The following TNC variants were observed in gnomAD, a reference collection of about 807,000 sequenced individuals.
The protein encoded by TNC is tenascin.
TNC carries 109 observed loss-of-function variants against 202.4 expected under a neutral mutation model. That is an observed-to-expected ratio of 0.54 (90% CI 0.46 to 0.63). The LOEUF is 0.63. Among genes scored for constraint, TNC ranks in the 30% least tolerant of loss-of-function variants. The probability of loss-of-function intolerance (pLI) is 0.00; values close to 1 mark genes in which losing one functional copy is unlikely to be tolerated. For missense variants in TNC, 2,756 were observed against 2,833.3 expected, an observed-to-expected ratio of 0.97 and a Z score of 0.62; for synonymous variants, 1,007 against 1,089.7, an observed-to-expected ratio of 0.92 and a Z score of 1.50.
At chr9:115,088,464 A>G (rs796961088) in intron 2 of TNC, among the ~76,000 whole-genome samples, 7 of 152,284 alleles carry the variant, frequency 4.6e-5, no homozygotes, top group African/African-American at 1.4e-4. Context: ...GTGGAGGTCA[A>G]CTTAAAGAAT....
At chr9:115,033,664 T>C (rs1399108169) in intron 22 of TNC, among the ~76,000 whole-genome samples, 1 of 152,236 alleles carries the variant, frequency 6.6e-6, no homozygotes, top group Non-Finnish European at 1.5e-5. Flanking sequence ...ATTAGCAATG[T>C]GTCCAGTTCT....
chr9:115,077,965 T>C lies in TNC; in HGVS notation c.2652A>G (p.Pro884=), dbSNP rs1834005286. ...TACCTGTTGTGAAGGTCTCTTTGGC[T>C]GGGTTGCTTGACATGTCACCTCTGC... The part of the protein sequence containing the change: ...ISRRGDMSSN[P]AKETFTTGLD... Residue 884 remains proline (P), a synonymous_variant, in exon 7 of 28, where the codon CCA becomes CCG. Coordinates refer to ENST00000350763, the MANE Select transcript of TNC (RefSeq NM_002160.4). The C allele has an allele frequency of 3.1e-6, 5 of 1,614,194 alleles. No homozygotes were observed. The highest frequency in any genetic ancestry group is 4.2e-6 in the Non-Finnish European group (5 of 1,180,018).
intron 1 of TNC, among the ~76,000 whole-genome samples, chr9:115,103,652 G>A (rs1287097959): frequency 6.6e-6 from 1 of 152,046 alleles, no homozygotes; most frequent in Non-Finnish European, 1.5e-5. Context: ...AGATCCCTTT[G>A]GTTCCAGTGA....
At chr9:115,085,335 G>A (rs1478356851) in intron 3 of TNC, among the ~76,000 whole-genome samples, 2 of 152,142 alleles carry the variant, frequency 1.3e-5, no homozygotes, top group African/African-American at 2.4e-5. Flanking sequence ...TAGGCATTTC[G>A]TCTTTAGCCA....
Position 115,078,199 on chromosome 9 carries a change from G to T in TNC, c.2418C>A (p.Pro806=). The change falls in exon 7 of 28, where the codon CCC becomes CCA. Residue 806 remains proline, a synonymous_variant. Coordinates refer to ENST00000350763, the MANE Select transcript of TNC (RefSeq NM_002160.4). ...KRVTTTRLDA[P]SQIEVKDVTD... ...TGACATCTTTCACCTCGATCTGGCT[G>T]GGGGCATCCAAGCCTATGATGGGCA... The T allele has an allele frequency of 1.9e-6, 3 of 1,606,234 alleles. No homozygotes were observed. Among genetic ancestry groups the T allele is most frequent in the East Asian group, 4.5e-5 (2 of 44,654 alleles).
At chr9:115,036,389 G>A (rs1719619874) in intron 20 of TNC, 148 bp from the exon 21 acceptor site, 4 of 863,260 alleles carry the variant, frequency 4.6e-6, no homozygotes, top group Admixed American at 2.3e-5. Context: ...AATGACTCAC[G>A]CTCTCTTTCT....
chr9:115,075,946 C>T, intron 9 of TNC, 86 bp downstream of exon 9: 1 of 1,199,616 alleles, frequency 8.3e-7, no homozygotes, highest in Non-Finnish European at 1.2e-6. Flanking sequence ...TCTACTTTTT[C>T]TCTTTAAATA....
At chr9:115,060,329 T>C (rs976166670) in intron 13 of TNC, among the ~76,000 whole-genome samples, 1 of 152,156 alleles carries the variant, frequency 6.6e-6, no homozygotes. Flanking sequence ...GGGTAAGAGA[T>C]ACAGCAATGG....
chr9:115,082,559 C>A, intron 5 of TNC, 133 bp downstream of exon 5: 1 of 628,164 alleles, frequency 1.6e-6, no homozygotes. Context: ...GATGCAAACA[C>A]AAATGATGCT....
At chr9:115,101,243 G>A (rs1008194685) in intron 1 of TNC, among the ~76,000 whole-genome samples, 9 of 152,058 alleles carry the variant, frequency 5.9e-5, no homozygotes, top group South Asian at 2.1e-4. Flanking sequence ...ATGAAGTCTC[G>A]CTCTGTTGCC....
intron 1 of TNC, among the ~76,000 whole-genome samples, chr9:115,111,311 A>G (rs955273837): frequency 2.0e-5 from 3 of 150,170 alleles, no homozygotes; most frequent in African/African-American, 7.4e-5. Context: ...CAAACAGAAT[A>G]TGACTAAGGT....
chr9:115,063,835 C>T lies in TNC; in HGVS notation c.3721G>A (p.Asp1241Asn). ...YTITIRGVTQ[D>N]FSTTPLSVEV... Reference sequence around the variant, plus strand: ...ACAGAGAGAGGGGTTGTGCTGAAGTCCTGAGTGACCCCGCGGATGGTGATG... The same window carrying T: ...ACAGAGAGAGGGGTTGTGCTGAAGTTCTGAGTGACCCCGCGGATGGTGATG... The change falls in exon 12 of 28, where the codon GAC becomes AAC. Residue 1241 changes from aspartate (D) to asparagine (N), a missense_variant. Asp to Asn is a conservative substitution (Grantham distance 23, BLOSUM62 1). Coordinates refer to ENST00000350763, the MANE Select transcript of TNC (RefSeq NM_002160.4). The T allele has an allele frequency of 6.2e-7, 1 of 1,614,106 alleles. No homozygotes were observed. Among genetic ancestry groups the T allele is most frequent in the Non-Finnish European group, 8.5e-7 (1 of 1,179,982 alleles).
chr9:115,065,519 G>A (rs1476902131), intron 10 of TNC, among the ~76,000 whole-genome samples: 1 of 152,204 alleles, frequency 6.6e-6, no homozygotes, highest in Non-Finnish European at 1.5e-5. Context: ...TGTTAGCGAT[G>A]CTCTGAGCTT....
At chr9:115,084,170 C>A in intron 4 of TNC, 39 bp downstream of exon 4, 1 of 1,598,132 alleles carries the variant, frequency 6.3e-7, no homozygotes, top group Non-Finnish European at 8.5e-7. Context: ...GGTGGGCTGA[C>A]ATCAGGTGAG....
intron 15 of TNC, among the ~76,000 whole-genome samples, chr9:115,054,055 A>G (rs577629318): frequency 1.6e-4 from 25 of 152,302 alleles, no homozygotes; most frequent in African/African-American, 6.0e-4. Flanking sequence ...AACTAATTTT[A>G]AAGTAAGTGC....
intron 1 of TNC, among the ~76,000 whole-genome samples, chr9:115,110,715 A>C (rs191207024): frequency 6.6e-6 from 1 of 152,224 alleles, no homozygotes; most frequent in African/African-American, 2.4e-5. Context: ...CTTTAGAATA[A>C]AATACATTTG....
rs1564137932 is a variant in TNC at position 115,095,502 on chromosome 9, GTATATATATATGTATATATATGTA to G, written c.-136-4372_-136-4349del. On this transcript the variant is annotated intron_variant, in intron 1 of 27. Coordinates refer to ENST00000350763, the MANE Select transcript of TNC (RefSeq NM_002160.4). ...TATGTATATATATATGTATATATATGTATATATATATGTATATATATGTATATATATATGTATATATATGTATAT... is the reference window on the plus strand; with the variant it reads ...TATGTATATATATATGTATATATATGTATATATATGTATATATATGTATAT... 2.3e-4 allele frequency among the ~76,000 whole-genome samples: 7 copies of G among 30,726 alleles called. No homozygotes were observed. The East Asian group carries it at 2.7e-3, about 12-fold the overall frequency. The allele number at this position is 30,726 out of a possible 152,430, so 20.2% of individuals were successfully genotyped here. A position where few individuals can be genotyped will look rare whatever the true frequency, so the allele number is the denominator to read the frequency against.
At chr9:115,083,300 G>T (rs918844123) in intron 4 of TNC, among the ~76,000 whole-genome samples, 4 of 152,072 alleles carry the variant, frequency 2.6e-5, no homozygotes, top group African/African-American at 9.7e-5. Context: ...AAGGAAAAAA[G>T]GGTCAATTTC....
In TNC at chr9:115,063,033, C is replaced by T. The variant is rs1229678511; in HGVS notation, c.3917G>A (p.Gly1306Asp). 7 of 1,613,962 alleles carry T rather than the reference C, an allele frequency of 4.3e-6. No individual in the cohort carries two copies. The highest frequency in any genetic ancestry group is 1.7e-5 in the Admixed American group (1 of 60,000). Residue 1306 changes from glycine to aspartate, a missense_variant, in exon 13 of 28, where the codon GGC becomes GAC. Around this residue, in one of 2 missense-constraint regions of TNC, gnomAD observed 2,559 missense variants for 2,546.0 expected, o/e 1.01. Coordinates refer to ENST00000350763, the MANE Select transcript of TNC (RefSeq NM_002160.4). ...VEEAHNLTVP[G>D]SLRSMEIPGL... is the part of the protein sequence containing the mutation. ...TGGGATTTCCATGGAACGCAGGCTG[C>T]CAGGAACCGTGAGATTGTGAGCCTC...
Sources: gnomAD v4.1 joint callset for allele counts (sites outside exome capture counted in the v4.1 genomes callset) on GRCh38, gnomAD v4.1.1 for gene constraint, gnomAD v4.1.1 regional missense constraint, MANE v1.5 for transcripts, NCBI Gene and HGNC (gene_info 2026-07-23, HGNC 2026-07-21) for gene names.